PDE4D: variants seen among roughly 807,000 people sequenced by gnomAD.
PDE4D encodes phosphodiesterase 4D, also known as 3',5'-cyclic-AMP phosphodiesterase 4D.
In PDE4D, 24 loss-of-function variants were observed where a neutral mutation model predicts 87.4. That is an observed-to-expected ratio of 0.27 (90% confidence interval 0.20 to 0.39). PDE4D has a LOEUF of 0.39. Ranked by LOEUF, PDE4D falls within the 10% of genes least tolerant of loss-of-function variation. The pLI, the probability that PDE4D is intolerant of heterozygous loss-of-function variation, is 1.00. For synonymous variants in PDE4D, 384 were observed against 383.2 expected, an observed-to-expected ratio of 1.00 and a Z score of -0.02; for missense variants, 714 against 1,041.0, an observed-to-expected ratio of 0.69 and a Z score of 4.32.
At chr5:60,427,591 G>C (rs985884717) in intron 1 of PDE4D, among the ~76,000 whole-genome samples, 7 of 152,160 alleles carry the variant, frequency 4.6e-5, no homozygotes. Context: ...ATACCAGATG[G>C]AAATTCAGAT....
At chr5:60,015,055 C>T (rs1454890266) in intron 2 of PDE4D, among the ~76,000 whole-genome samples, 6 of 152,116 alleles carry the variant, frequency 3.9e-5, no homozygotes, top group Admixed American at 6.5e-5. Flanking sequence ...GAATGGCTGA[C>T]TTTCTTGCTA....
intron 1 of PDE4D, among the ~76,000 whole-genome samples, chr5:60,411,219 A>G (rs146280036): frequency 2.0e-5 from 3 of 152,348 alleles, no homozygotes; most frequent in African/African-American, 7.2e-5. Flanking sequence ...GATAAAAAGG[A>G]TAACTTCCAG....
intron 6 of PDE4D, among the ~76,000 whole-genome samples, chr5:59,019,506 GC>G (rs1217103817): frequency 6.6e-6 from 1 of 152,024 alleles, no homozygotes; most frequent in Admixed American, 6.6e-5. Context: ...TCTCACACCT[GC>G]CACTGGTCCT....
intron 3 of PDE4D, among the ~76,000 whole-genome samples, chr5:59,943,821 C>T (rs958754804): frequency 6.6e-5 from 10 of 152,282 alleles, no homozygotes; most frequent in African/African-American, 2.4e-4. Flanking sequence ...TACCATTTTT[C>T]AATATCTAAG....
chr5:59,593,911 G>C (rs1282062690), intron 1 of PDE4D, among the ~76,000 whole-genome samples: 2 of 152,160 alleles, frequency 1.3e-5, no homozygotes, highest in African/African-American at 2.4e-5. Context: ...TCCAGCAAGA[G>C]AAGGGAAAAA....
intron 1 of PDE4D, among the ~76,000 whole-genome samples, chr5:59,826,396 T>A (rs1027339292): frequency 6.6e-6 from 1 of 152,200 alleles, no homozygotes; most frequent in African/African-American, 2.4e-5. Flanking sequence ...GCTTCTTTCT[T>A]CTGAAGATCT....
At chr5:59,164,413 G>C (rs778359891) in intron 5 of PDE4D, among the ~76,000 whole-genome samples, 7 of 152,104 alleles carry the variant, frequency 4.6e-5, no homozygotes, top group Non-Finnish European at 1.0e-4. Flanking sequence ...TTCTTTTTTA[G>C]TTCCTACTAT....
intron 2 of PDE4D, among the ~76,000 whole-genome samples, chr5:60,079,814 C>T (rs879285623): frequency 2.6e-5 from 4 of 152,194 alleles, no homozygotes; most frequent in Non-Finnish European, 5.9e-5. Flanking sequence ...TAGCCTGCTG[C>T]CTCCAGCTTT....
intron 1 of PDE4D, among the ~76,000 whole-genome samples, chr5:59,801,241 T>G (rs1007967016): frequency 6.6e-6 from 1 of 152,202 alleles, no homozygotes; most frequent in Non-Finnish European, 1.5e-5. Context: ...GTAGTTTCAG[T>G]AAGTAATGTA....
At chr5:60,429,198 T>A (rs952199359) in intron 1 of PDE4D, among the ~76,000 whole-genome samples, 2 of 152,264 alleles carry the variant, frequency 1.3e-5, no homozygotes, top group African/African-American at 4.8e-5. Context: ...TGTTTTGTAA[T>A]TCTCATTGGA....
intron 1 of PDE4D, among the ~76,000 whole-genome samples, chr5:59,219,376 C>T (rs1751964544): frequency 6.6e-6 from 1 of 151,822 alleles, no homozygotes. Context: ...GGGAAGTGAA[C>T]CTAGGGTCTG....
rs199747364 is a variant in PDE4D, at chr5:59,395,957, C to T, written c.456-179989G>A. On this transcript the variant is annotated intron_variant, in intron 1 of 14. Coordinates refer to ENST00000340635, the MANE Select transcript of PDE4D (RefSeq NM_001104631.2). ...AATGCAGAAGCCTCAGGAGCTGATGCGATCAACTGGAAGAAAGGGTATCAG... is the reference window on the plus strand; with the variant it reads ...AATGCAGAAGCCTCAGGAGCTGATGTGATCAACTGGAAGAAAGGGTATCAG... Among the ~76,000 whole-genome samples, 24 of 119,144 alleles carry T rather than the reference C, an allele frequency of 2.0e-4. 5 individuals carry two copies. The highest frequency in any genetic ancestry group is 5.1e-4 in the African/African-American group (15 of 29,570). 78.2% of individuals were successfully genotyped at this position (119,144 alleles called of 152,430 possible). A position where few individuals can be genotyped will look rare whatever the true frequency, so the allele number is the denominator to read the frequency against.
intron 1 of PDE4D, among the ~76,000 whole-genome samples, chr5:60,371,803 T>C (rs1467769485): frequency 6.6e-6 from 1 of 152,192 alleles, no homozygotes; most frequent in Non-Finnish European, 1.5e-5. Context: ...AACATTTTAT[T>C]TTTTAGATTC....
intron 1 of PDE4D, among the ~76,000 whole-genome samples, chr5:60,384,210 C>T (rs941486913): frequency 1.7e-4 from 26 of 152,266 alleles, no homozygotes; most frequent in African/African-American, 5.1e-4. Flanking sequence ...AAACTTGAAG[C>T]TTTCCAAGTA....
chr5:60,047,037 A>G (rs1339619139), intron 2 of PDE4D, among the ~76,000 whole-genome samples: 4 of 152,168 alleles, frequency 2.6e-5, no homozygotes, highest in African/African-American at 9.7e-5. Flanking sequence ...TATTGCCTCA[A>G]TTTCAGAGCC....
intron 1 of PDE4D, among the ~76,000 whole-genome samples, chr5:59,875,232 C>A (rs1289256526): frequency 6.6e-6 from 1 of 151,770 alleles, no homozygotes; most frequent in Non-Finnish European, 1.5e-5. Flanking sequence ...GAGGCCGAGG[C>A]GGGCGGATCA....
chr5:60,128,806 T>C (rs1291041514), intron 2 of PDE4D, among the ~76,000 whole-genome samples: 1 of 152,224 alleles, frequency 6.6e-6, no homozygotes. Flanking sequence ...GATTCACTAG[T>C]GAACCATATT....
At chr5:59,943,920 C>T (rs1009226821) in intron 3 of PDE4D, among the ~76,000 whole-genome samples, 5 of 151,978 alleles carry the variant, frequency 3.3e-5, no homozygotes. Flanking sequence ...TTATGGCAGA[C>T]GAAGGGAAGC....
chr5:59,389,872 G>A (rs1449324474), intron 1 of PDE4D, among the ~76,000 whole-genome samples: 2 of 152,070 alleles, frequency 1.3e-5, no homozygotes, highest in African/African-American at 4.8e-5. Context: ...GATGAAAAGA[G>A]GTTAGTTAAT....
Sources: allele counts gnomAD v4.1 joint callset (sites outside exome capture counted in the v4.1 genomes callset), GRCh38; gene constraint gnomAD v4.1.1; transcripts MANE v1.5; gene names NCBI Gene and HGNC (gene_info 2026-07-23, HGNC 2026-07-21).